The following ACSF2 variants were observed in gnomAD, a reference collection of about 807,000 sequenced individuals.
ACSF2 encodes acyl-CoA synthetase family member 2.
Under a neutral mutation model 79.3 loss-of-function variants are expected in ACSF2, and 52 were observed. The observed-to-expected ratio is 0.66, with a 90% CI of 0.53 to 0.83. The LOEUF is 0.83. ACSF2 is among the 40% of genes least tolerant of loss of function. The probability of loss-of-function intolerance (pLI) is 0.00; values close to 1 mark genes in which losing one functional copy is unlikely to be tolerated. For synonymous variants in ACSF2, 283 were observed against 312.6 expected (o/e 0.91, Z 1.00); for missense variants, 661 against 803.3 (o/e 0.82, Z 2.14).
rs188297112 is a variant in ACSF2 at position 50,472,019 on chromosome 17, T to C, written c.1324-409T>C. On this transcript the variant is annotated intron_variant, in intron 11 of 15. Coordinates refer to ENST00000300441, the MANE Select transcript of ACSF2 (RefSeq NM_025149.6). ...TTCTCTACCAGGCTTTCAGACTCTG[T>C]CTCTCCTGTTCACATGGTGTTGCCA... 4.2e-3 allele frequency: 708 copies of C among 169,372 alleles called. 4 individuals are homozygous for C. The highest frequency in any genetic ancestry group is 0.017 in the African/African-American group (693 of 41,766). The allele number at this position is 169,372 out of a possible 1,614,324, so 10.5% of individuals were successfully genotyped here.
At chr17:50,445,179 T>C (rs1349000517) in intron 1 of ACSF2, among the ~76,000 whole-genome samples, 1 of 152,134 alleles carries the variant, frequency 6.6e-6, no homozygotes, top group Non-Finnish European at 1.5e-5. Flanking sequence ...CCTCCCAAAG[T>C]GTTGGGATTA....
rs1598440820 is a variant in ACSF2 at position 50,474,374 on chromosome 17, T to G, written c.1797+107T>G. 6.6e-7 allele frequency: 1 copy of G among 1,518,348 alleles called. No individual in the cohort carries two copies. Among genetic ancestry groups the G allele is most frequent in the Non-Finnish European group, 9.1e-7 (1 of 1,096,092 alleles). 94.1% of individuals were successfully genotyped at this position (1,518,348 alleles called of 1,614,324 possible). ...GGGTGTGGAGAGACTGGCAGTAGGG[T>G]GACCGGGTCACCTAATCCTGGTTTG... On this transcript the variant is annotated intron_variant, in intron 15 of 15. Coordinates refer to ENST00000300441, the MANE Select transcript of ACSF2 (RefSeq NM_025149.6). The surrounding 1 kb of genome is among the most constrained non-coding windows in gnomAD (Gnocchi z 4.2).
At chr17:50,461,417 T>C (rs148830743) in intron 3 of ACSF2, 47 bp downstream of exon 3, 17,038 of 1,611,722 alleles carry the variant, frequency 0.011, 152 homozygotes, top group Non-Finnish European at 0.012. Flanking sequence ...TGGGGGAACA[T>C]CACTGAAGGG....
At position 50,458,345 on chromosome 17, in the gene ACSF2, C is replaced by T. The variant is rs538668310; in HGVS notation, c.129-2332C>T. On this transcript the variant is annotated intron_variant, in intron 1 of 15. Transcript: ENST00000300441. ...CAGCTGGGTTCAAGTTCCAGTCACCCTCCCGTTCTCACAGCACTCCCTTTC... is the reference window on the plus strand; with the variant it reads ...CAGCTGGGTTCAAGTTCCAGTCACCTTCCCGTTCTCACAGCACTCCCTTTC... 3.0e-3 allele frequency among the ~76,000 whole-genome samples: 458 copies of T among 152,288 alleles called. 1 individual carries two copies. The highest frequency in any genetic ancestry group is 4.6e-3 in the Non-Finnish European group (315 of 68,010).
At chr17:50,462,683 G>T in intron 6 of ACSF2, 98 bp downstream of exon 6, 1 of 1,409,872 alleles carries the variant, frequency 7.1e-7, no homozygotes. Context: ...AGGAGAGCAT[G>T]CCTTCTTTAC....
intron 1 of ACSF2, among the ~76,000 whole-genome samples, chr17:50,459,029 C>A (rs1232446706): frequency 1.3e-5 from 2 of 152,238 alleles, no homozygotes; most frequent in African/African-American, 4.8e-5. Flanking sequence ...CATACGGGTG[C>A]TCACTGAATG....
intron 1 of ACSF2, among the ~76,000 whole-genome samples, chr17:50,435,097 C>T (rs547438654): frequency 5.9e-5 from 9 of 152,192 alleles, no homozygotes; most frequent in Non-Finnish European, 7.4e-5. Context: ...CTCAAACTCC[C>T]GACCTCAGGT....
At chr17:50,466,407 T>C (rs925668167) in intron 10 of ACSF2, among the ~76,000 whole-genome samples, 2 of 152,144 alleles carry the variant, frequency 1.3e-5, no homozygotes, top group African/African-American at 4.8e-5. Flanking sequence ...TTATTTTCAA[T>C]ATGCAAATGG....
At chr17:50,456,137 A>C (rs759669228) in intron 1 of ACSF2, among the ~76,000 whole-genome samples, 5 of 152,198 alleles carry the variant, frequency 3.3e-5, no homozygotes, top group Non-Finnish European at 5.9e-5. Flanking sequence ...AACAGCTTCA[A>C]ACTTTTCCCC....
chr17:50,428,983 A>G (rs1049622096), intron 1 of ACSF2, among the ~76,000 whole-genome samples: 1 of 152,262 alleles, frequency 6.6e-6, no homozygotes, highest in Non-Finnish European at 1.5e-5. Context: ...TGCAAGTGCC[A>G]TGGTGAGGAA....
At chr17:50,456,248 G>A (rs551689410) in intron 1 of ACSF2, among the ~76,000 whole-genome samples, 3 of 152,114 alleles carry the variant, frequency 2.0e-5, no homozygotes, top group Non-Finnish European at 4.4e-5. Flanking sequence ...CTGACTTCCT[G>A]TCCTTCATGG....
In ACSF2 at chr17:50,426,286, C is replaced by A; in HGVS notation, c.25C>A (p.Arg9Ser). Residue 9 changes from arginine to serine, a missense_variant, in exon 1 of 16, where the codon CGC (arginine) becomes AGC (serine). Transcript: ENST00000300441. MAVYVGML[R>S]LGRLCAGSSG... ...CATGGCTGTCTACGTCGGGATGCTG[C>A]GCCTGGGGAGGCTGTGCGCCGGGAG... 7.1e-7 allele frequency: 1 copy of A among 1,409,210 alleles called. No individual in the cohort carries two copies. The highest frequency in any genetic ancestry group is 9.3e-7 in the Non-Finnish European group (1 of 1,076,412). 87.3% of individuals were successfully genotyped at this position (1,409,210 alleles called of 1,614,324 possible).
At position 50,462,168 on chromosome 17, in the gene ACSF2, G is replaced by A. The variant is rs201927915; in HGVS notation, c.508-16G>A. On this transcript the variant is annotated splice_polypyrimidine_tract_variant and intron_variant, in intron 4 of 15. Transcript: ENST00000300441. ...GGCTCCCCGCTGACTGGAGGTGGGGGACTCCCCTTCCACAGGTGGGCTGCA... is the reference window on the plus strand; with the variant it reads ...GGCTCCCCGCTGACTGGAGGTGGGGAACTCCCCTTCCACAGGTGGGCTGCA... 124 of 1,611,460 alleles carry A rather than the reference G, an allele frequency of 7.7e-5. 1 individual carries two copies. In the Admixed American group the frequency reaches 2.0e-3, roughly 26 times the overall value.
intron 12 of ACSF2, 28 bp downstream of exon 12, chr17:50,472,607 C>G (rs1259839971): frequency 6.4e-7 from 1 of 1,569,544 alleles, no homozygotes; most frequent in Non-Finnish European, 8.6e-7. Context: ...GGTGGAGGCT[C>G]TGGCCGCTGA....
At chr17:50,431,642 G>A (rs903671323) in intron 1 of ACSF2, among the ~76,000 whole-genome samples, 1 of 152,158 alleles carries the variant, frequency 6.6e-6, no homozygotes, top group Non-Finnish European at 1.5e-5. Context: ...CTACAGGCAA[G>A]TGCCACCATA....
intron 1 of ACSF2, among the ~76,000 whole-genome samples, chr17:50,440,625 C>CCCCG (rs2030823941): frequency 6.6e-6 from 1 of 152,236 alleles, no homozygotes; most frequent in Non-Finnish European, 1.5e-5. Context: ...GACCTCTAGC[C>CCCCG]CCCGACTTTA....
At position 50,462,415 on chromosome 17, in the gene ACSF2, C is replaced by T. The variant is rs1256638001; in HGVS notation, c.627-5C>T. The T allele has an allele frequency of 6.2e-7, 1 of 1,613,288 alleles. No individual in the cohort carries two copies. Among genetic ancestry groups the T allele is most frequent in the South Asian group, 1.1e-5 (1 of 91,046 alleles). On this transcript the variant is annotated splice_region_variant and splice_polypyrimidine_tract_variant and intron_variant, in intron 5 of 15. Transcript: ENST00000300441. ...CCTGTCTCTCACCATCGTCCCCAAC[C>T]CCAGGCTCCCAGATCTGACCACAGT...
intron 12 of ACSF2, 96 bp downstream of exon 12, chr17:50,472,675 G>A (rs2033177308): frequency 3.6e-5 from 51 of 1,426,650 alleles, no homozygotes; most frequent in East Asian, 5.0e-5. Flanking sequence ...CCGTGAGGAT[G>A]TGGGTATCAA....
At chr17:50,431,431 G>A (rs938432704) in intron 1 of ACSF2, among the ~76,000 whole-genome samples, 1 of 152,186 alleles carries the variant, frequency 6.6e-6, no homozygotes, top group African/African-American at 2.4e-5. Context: ...TTGTGGAAAT[G>A]GGAGGGGGAG....
Sources: gnomAD v4.1 joint callset for allele counts (sites outside exome capture counted in the v4.1 genomes callset) on GRCh38, gnomAD v4.1.1 for gene constraint, Gnocchi (gnomAD v3.1) non-coding constraint, MANE v1.5 for transcripts, NCBI Gene and HGNC (gene_info 2026-07-23, HGNC 2026-07-21) for gene names.